Variants in STX1A observed in about 807,000 individuals in gnomAD.
STX1A encodes the protein syntaxin-1A.
In STX1A, 4 loss-of-function variants were observed where a neutral mutation model predicts 37.8. That is an observed-to-expected ratio of 0.11 (90% CI 0.05 to 0.24). The LOEUF (loss-of-function observed/expected upper bound fraction) is 0.24, where lower values mean the gene tolerates loss of function less well. STX1A is among the 10% of genes least tolerant of loss of function. STX1A has a pLI of 1.00. For synonymous variants in STX1A, 135 were observed against 147.4 expected, an observed-to-expected ratio of 0.92 and a Z score of 0.61; for missense variants, 251 against 399.9, an observed-to-expected ratio of 0.63 and a Z score of 3.18.
At chr7:73,703,955 C>G (rs1798767203) in intron 6 of STX1A, 127 bp from the exon 7 acceptor site, 1 of 902,330 alleles carries the variant, frequency 1.1e-6, no homozygotes, top group African/African-American at 1.8e-5. Flanking sequence ...AGCCTCAGGC[C>G]CCGCCCCCCC....
intron 1 of STX1A, among the ~76,000 whole-genome samples, chr7:73,718,259 C>T (rs944604986): frequency 1.3e-5 from 2 of 152,138 alleles, no homozygotes; most frequent in Non-Finnish European, 2.9e-5. Flanking sequence ...GGGCGCTCGG[C>T]CAGGAATAAC....
rs1798864018 is a variant in STX1A at position 73,706,174 on chromosome 7, C to T, written c.209-950G>A. The stretch of plus-strand genomic sequence containing the variant: ...GGGCTGGGGTTTGTCCTAGAGGGGA[C>T]AGGGAGGGGTGTTGAGAGTGGTCTA... On this transcript the variant is annotated intron_variant, in intron 3 of 9. Transcript: ENST00000222812. This position sits in a 1 kb window ranked among gnomAD's most constrained non-coding sequence, Gnocchi z 4.6. Among the ~76,000 whole-genome samples the T allele has an allele frequency of 6.6e-6, 1 of 152,056 alleles. No individual in the cohort carries two copies. The highest frequency in any genetic ancestry group is 2.1e-4 in the South Asian group (1 of 4,822).
intron 8 of STX1A, chr7:73,701,138 G>A: frequency 3.3e-6 from 2 of 598,538 alleles, no homozygotes; most frequent in South Asian, 4.2e-5. Flanking sequence ...AGATGTGGCA[G>A]TGCCAGGCAG....
chr7:73,703,062 G>A, intron 7 of STX1A, 80 bp from the exon 8 acceptor site: 2 of 1,078,192 alleles, frequency 1.9e-6, no homozygotes, highest in Non-Finnish European at 2.6e-6. Flanking sequence ...GGCGTTTGGG[G>A]TGGGCAGAGC....
intron 7 of STX1A, 84 bp from the exon 8 acceptor site, chr7:73,703,066 G>A: frequency 2.5e-6 from 2 of 800,960 alleles, no homozygotes; most frequent in African/African-American, 1.7e-5. Context: ...TTTGGGGTGG[G>A]CAGAGCTGCT....
chr7:73,700,603 C>T lies in STX1A; in HGVS notation c.790-119G>A, dbSNP rs1257661495. 2.0e-6 allele frequency: 3 copies of T among 1,497,760 alleles called. No individual in the cohort carries two copies. In the African/African-American group the frequency reaches 4.2e-5, roughly 21 times the overall value. The allele number at this position is 1,497,760 out of a possible 1,614,324, so 92.8% of individuals were successfully genotyped here. On this transcript the variant is annotated intron_variant, in intron 9 of 9. Transcript: ENST00000222812. The surrounding 1 kb of genome is among the most constrained non-coding windows in gnomAD (Gnocchi z 4.4). ...GATCCAAGCAGGGGAAGGTGACGGC[C>T]TGGGAGGGGGCTGTCATGGGGAGCT...
Position 73,702,750 on chromosome 7 carries a change from C to A in STX1A, c.678+95G>T. The A allele has an allele frequency of 6.3e-7, 1 of 1,594,274 alleles. No homozygotes were observed. The highest frequency in any genetic ancestry group is 8.6e-7 in the Non-Finnish European group (1 of 1,167,410). On this transcript the variant is annotated intron_variant, in intron 8 of 9. Transcript: ENST00000222812. The surrounding 1 kb of genome is among the most constrained non-coding windows in gnomAD (Gnocchi z 4.7). Reference sequence around the variant, plus strand: ...GTTACCTGAGAACTTGGTCCCTCCCCGGCAGGGCAGCGTGTCGGGCAGAAA... The same window carrying A: ...GTTACCTGAGAACTTGGTCCCTCCCAGGCAGGGCAGCGTGTCGGGCAGAAA...
intron 3 of STX1A, among the ~76,000 whole-genome samples, chr7:73,707,900 A>G (rs1287509036): frequency 3.3e-5 from 5 of 149,858 alleles, no homozygotes; most frequent in South Asian, 2.1e-4. Flanking sequence ...GCACCACTGC[A>G]CTGCAGCCTG....
At chr7:73,713,150 T>G (rs976949473) in intron 1 of STX1A, among the ~76,000 whole-genome samples, 5 of 152,238 alleles carry the variant, frequency 3.3e-5, no homozygotes, top group Admixed American at 6.5e-5. Flanking sequence ...GTTTGTGGGA[T>G]TCTGATGGCT....
chr7:73,710,355 G>A (rs1799055640), intron 1 of STX1A, among the ~76,000 whole-genome samples: 1 of 152,258 alleles, frequency 6.6e-6, no homozygotes, highest in Non-Finnish European at 1.5e-5. Flanking sequence ...AAGGATATCC[G>A]GGGTGGCCAC....
chr7:73,702,138 A>G lies in STX1A; in HGVS notation c.678+707T>C, dbSNP rs916264185. On this transcript the variant is annotated intron_variant, in intron 8 of 9. Transcript: ENST00000222812. The surrounding 1 kb of genome is among the most constrained non-coding windows in gnomAD (Gnocchi z 4.7). ...TTGGGACCTTAGTGTTGCTGGGGCC[A>G]GCTCTTCATCTCCGCTGCGAAGTCT... Among the ~76,000 whole-genome samples, 14 of 152,044 alleles carry G rather than the reference A, an allele frequency of 9.2e-5. No homozygotes were observed. The highest frequency in any genetic ancestry group is 1.5e-5 in the Non-Finnish European group (1 of 68,004).
intron 1 of STX1A, among the ~76,000 whole-genome samples, chr7:73,713,056 C>T (rs1268068105): frequency 6.6e-6 from 1 of 152,238 alleles, no homozygotes; most frequent in Non-Finnish European, 1.5e-5. Context: ...CCCTTCCCAA[C>T]CACTGTCTGT....
In STX1A at chr7:73,703,722, G is replaced by A. The variant is rs367955729; in HGVS notation, c.540+33C>T. On this transcript the variant is annotated intron_variant, in intron 7 of 9. Coordinates refer to ENST00000222812, the MANE Select transcript of STX1A (RefSeq NM_004603.4). ...ATGGACGTAGGGAACATGGTGAGGG[G>A]GTCATGGCAGGAGGGATGGGGCCTA... The A allele has an allele frequency of 1.1e-4, 179 of 1,605,284 alleles. No individual in the cohort carries two copies. In the African/African-American group the frequency reaches 1.9e-3, roughly 17 times the overall value.
At chr7:73,708,388 G>C (rs1166183920) in intron 3 of STX1A, among the ~76,000 whole-genome samples, 1 of 152,112 alleles carries the variant, frequency 6.6e-6, no homozygotes, top group African/African-American at 2.4e-5. Context: ...CTGGGATGCT[G>C]GGTACTGACC....
At chr7:73,718,969 C>G (rs1229957105) in intron 1 of STX1A, among the ~76,000 whole-genome samples, 1 of 151,934 alleles carries the variant, frequency 6.6e-6, no homozygotes, top group Non-Finnish European at 1.5e-5. Flanking sequence ...ACGCCCCCCC[C>G]CCCATACCTG....
intron 4 of STX1A, 51 bp from the exon 5 acceptor site, chr7:73,704,474 C>T (rs1554616515): frequency 6.2e-7 from 1 of 1,607,112 alleles, no homozygotes; most frequent in Admixed American, 1.7e-5. Flanking sequence ...TCAACCCCGT[C>T]CCCTACCCGC....
chr7:73,712,630 T>G (rs187039591), intron 1 of STX1A, among the ~76,000 whole-genome samples: 1 of 152,052 alleles, frequency 6.6e-6, no homozygotes, highest in Admixed American at 6.5e-5. Flanking sequence ...GTGAGCTCAC[T>G]AGCTTCCCCA....
rs530840396 is a variant in STX1A at position 73,700,527 on chromosome 7, G to A, written c.790-43C>T. 60 of 1,606,872 alleles carry A rather than the reference G, an allele frequency of 3.7e-5. No individual in the cohort carries two copies. Among genetic ancestry groups the A allele is most frequent in the South Asian group, 1.1e-4 (10 of 90,352 alleles). Reference sequence around the variant, plus strand: ...AGGAGAGGCCTCAGACAGTGTTGGCGGCAGGTGGGGTGGGACTATGGCAAA... The same window carrying A: ...AGGAGAGGCCTCAGACAGTGTTGGCAGCAGGTGGGGTGGGACTATGGCAAA... On this transcript the variant is annotated intron_variant, in intron 9 of 9. Transcript: ENST00000222812. This position sits in a 1 kb window ranked among gnomAD's most constrained non-coding sequence, Gnocchi z 4.4.
intron 1 of STX1A, chr7:73,716,871 C>G (rs782759756): frequency 2.6e-5 from 4 of 152,550 alleles, no homozygotes; most frequent in Non-Finnish European, 2.9e-5. Context: ...TGGGGATGCT[C>G]TAACCTAAAA....
Sources: allele counts gnomAD v4.1 joint callset (sites outside exome capture counted in the v4.1 genomes callset), GRCh38; gene constraint gnomAD v4.1.1; non-coding constraint Gnocchi (gnomAD v3.1); transcripts MANE v1.5; gene names NCBI Gene and HGNC (gene_info 2026-07-23, HGNC 2026-07-21).